The following ZAN variants were observed in gnomAD, a reference collection of about 807,000 sequenced individuals.
ZAN encodes zonadhesin (gene/pseudogene).
A neutral mutation model predicts 286.2 loss-of-function variants in ZAN; 260 were observed. The ratio of observed to expected loss-of-function variants is 0.91; its 90% CI spans 0.82 to 1.01. The LOEUF (loss-of-function observed/expected upper bound fraction) is 1.01. ZAN is among the 50% of genes least tolerant of loss of function. The pLI, the probability that ZAN is intolerant of heterozygous loss-of-function variation, is 0.00. For missense variants in ZAN, 3,410 were observed against 3,639.2 expected (o/e 0.94, Z 1.62); for synonymous variants, 1,368 against 1,417.5 (o/e 0.97, Z 0.79).
At chr7:100,789,585 G>A (rs2116311513) in intron 39 of ZAN, among the ~76,000 whole-genome samples, 1 of 152,258 alleles carries the variant, frequency 6.6e-6, no homozygotes, top group South Asian at 2.1e-4. Flanking sequence ...TGAGGTGGGA[G>A]GATCGCTTGA....
intron 11 of ZAN, among the ~76,000 whole-genome samples, chr7:100,750,261 C>G (rs1223298997): frequency 6.6e-6 from 1 of 151,858 alleles, no homozygotes; most frequent in Non-Finnish European, 1.5e-5. Flanking sequence ...CTCAGACTCC[C>G]GAGTAGCTGG....
At chr7:100,760,794 G>T (rs865965266) in intron 19 of ZAN, among the ~76,000 whole-genome samples, 1 of 152,212 alleles carries the variant, frequency 6.6e-6, no homozygotes, top group African/African-American at 2.4e-5. Context: ...GCTAGAAGGA[G>T]CACTAGTGAG....
intron 7 of ZAN, among the ~76,000 whole-genome samples, chr7:100,745,166 G>C (rs1247629440): frequency 6.6e-6 from 1 of 151,788 alleles, no homozygotes; most frequent in Non-Finnish European, 1.5e-5. Flanking sequence ...TTACAGGCGT[G>C]AGCCACCGCG....
Position 100,786,158 on chromosome 7 carries a change from GGGAGGTT to G in ZAN, c.6979+22_6979+28del. Reference sequence around the variant, plus strand: ...TCTCAGACAGTAAGGGGAGCGACCGGGGAGGTTGGAGAGGGGAGCACCTGTGGCCAGG... The same window carrying G: ...TCTCAGACAGTAAGGGGAGCGACCGGGGAGAGGGGAGCACCTGTGGCCAGG... On this transcript the variant is annotated intron_variant, in intron 37 of 47. Coordinates refer to ENST00000613979, the MANE Select transcript of ZAN (RefSeq NM_003386.3). 1 of 1,613,546 alleles carries G rather than the reference GGGAGGTT, an allele frequency of 6.2e-7. No individual in the cohort carries two copies. The highest frequency in any genetic ancestry group is 1.1e-5 in the South Asian group (1 of 91,058).
chr7:100,789,454 T>C, intron 39 of ZAN, 107 bp downstream of exon 39: 2 of 1,514,402 alleles, frequency 1.3e-6, no homozygotes, highest in South Asian at 1.3e-5. Context: ...GGCCCGGTAG[T>C]GGGGCACCCA....
chr7:100,772,058 A>G, intron 29 of ZAN, 38 bp downstream of exon 29: 1 of 1,518,622 alleles, frequency 6.6e-7, no homozygotes, highest in Non-Finnish European at 8.8e-7. Flanking sequence ...GCCCATAGGC[A>G]CCCTCCAGAA....
chr7:100,786,199 G>A lies in ZAN; in HGVS notation c.6979+58G>A. 1.9e-6 allele frequency: 3 copies of A among 1,602,452 alleles called. No homozygotes were observed. In the African/African-American group the frequency reaches 4.0e-5, roughly 21 times the overall value. On this transcript the variant is annotated intron_variant, in intron 37 of 47. Transcript: ENST00000613979. ...GAGCACCTGTGGCCAGGGCGGAGGT[G>A]GAGGAAGAGGCAGGGTGGGAAGGGG...
At chr7:100,791,872 C>A in intron 40 of ZAN, 94 bp from the exon 41 acceptor site, 1 of 1,418,648 alleles carries the variant, frequency 7.0e-7, no homozygotes, top group Non-Finnish European at 9.4e-7. Context: ...GGACTCCAGG[C>A]AGCCACCACC....
chr7:100,787,763 T>C (rs578092285), intron 37 of ZAN, 126 bp from the exon 38 acceptor site: 5 of 1,059,054 alleles, frequency 4.7e-6, no homozygotes, highest in South Asian at 4.8e-5. Flanking sequence ...GGTTTCACCA[T>C]GTTGGCCAGG....
intron 35 of ZAN, among the ~76,000 whole-genome samples, chr7:100,783,783 T>TATATATATATATATACACACACAC (rs377402352): frequency 9.8e-5 from 2 of 20,486 alleles, no homozygotes; most frequent in African/African-American, 2.7e-4. Context: ...TATATATATA[T>TATATATATATATATACACACACAC]ACACATATAT....
In ZAN at chr7:100,738,611, G is replaced by T; in HGVS notation, c.764G>T (p.Gly255Val). ...VGPDGDFSSPGSGCYMLLDPK... is the reference protein window; with the variant it reads ...VGPDGDFSSPVSGCYMLLDPK... The stretch of plus-strand genomic sequence containing the variant: ...CCTGATGGCGACTTCTCTAGCCCTG[G>T]TAGTGAGTAGCGGCCATGCTTCTGT... Residue 255 changes from glycine (G) to valine (V), a missense_variant and splice_region_variant, in exon 7 of 48, where the codon GGT becomes GTT. Physicochemically the swap from Gly to Val is moderately radical, Grantham distance 109. Transcript: ENST00000613979. 1 of 1,516,448 alleles carries T rather than the reference G, an allele frequency of 6.6e-7. No homozygotes were observed. Among genetic ancestry groups the T allele is most frequent in the Non-Finnish European group, 9.1e-7 (1 of 1,104,324 alleles). 93.9% of individuals were successfully genotyped at this position (1,516,448 alleles called of 1,614,324 possible).
intron 42 of ZAN, among the ~76,000 whole-genome samples, chr7:100,793,148 G>A (rs1396902851): frequency 6.6e-6 from 1 of 151,762 alleles, no homozygotes; most frequent in African/African-American, 2.4e-5. Flanking sequence ...AGACCGGCCT[G>A]GGGAACCAGT....
chr7:100,748,317 C>G lies in ZAN; in HGVS notation c.1103-7C>G, dbSNP rs538789054. 3 of 1,613,868 alleles carry G rather than the reference C, an allele frequency of 1.9e-6. No individual in the cohort carries two copies. Among genetic ancestry groups the G allele is most frequent in the South Asian group, 1.1e-5 (1 of 91,074 alleles). ...ACTTGCTCAAATATCCTATTTTGATCCCCCAGAGGGTTTTCCTCAGTGTGA... is the reference window on the plus strand; with the variant it reads ...ACTTGCTCAAATATCCTATTTTGATGCCCCAGAGGGTTTTCCTCAGTGTGA... On this transcript the variant is annotated splice_region_variant and splice_polypyrimidine_tract_variant and intron_variant, in intron 10 of 47. Transcript: ENST00000613979.
In ZAN at chr7:100,797,373, C is replaced by T. The variant is rs1201319791; in HGVS notation, c.8274C>T (p.Asn2758=). 6.2e-7 allele frequency: 1 copy of T among 1,613,744 alleles called. No homozygotes were observed. Among genetic ancestry groups the T allele is most frequent in the South Asian group, 1.1e-5 (1 of 91,066 alleles). ...DAPPPRKPAS[N]LVGVLLGLLV... ...CTTCCCCGCACCCAGAAGCATCTAA[C>T]CTGGTGGGCGTCCTACTGGGACTGC... The change falls in exon 46 of 48, where the codon AAC becomes AAT. Residue 2758 remains asparagine, a synonymous_variant. Transcript: ENST00000613979.
At chr7:100,768,576 C>A (rs758614291) in intron 26 of ZAN, 34 bp from the exon 27 acceptor site, 2 of 1,549,050 alleles carry the variant, frequency 1.3e-6, no homozygotes, top group Non-Finnish European at 1.7e-6. Context: ...CTGGGGGGCC[C>A]CTTCTTGCCT....
At chr7:100,777,050 CT>C (rs35034892) in intron 34 of ZAN, among the ~76,000 whole-genome samples, 54,075 of 149,410 alleles carry the variant, frequency 0.36, 11,007 homozygotes, top group East Asian at 0.8. Context: ...TTCTTTCGTT[CT>C]TTTTTTTTCT....
chr7:100,785,927 G>C, intron 36 of ZAN, 70 bp from the exon 37 acceptor site: 1 of 1,529,852 alleles, frequency 6.5e-7, no homozygotes, highest in Non-Finnish European at 8.8e-7. Flanking sequence ...CCAAAGTGTT[G>C]GGATTACAGG....
At position 100,793,950 on chromosome 7, in the gene ZAN, T is replaced by C. The variant is rs770135484; in HGVS notation, c.7918T>C (p.Cys2640Arg). Residue 2640 changes from cysteine (C) to arginine (R), a missense_variant, in exon 43 of 48, where the codon TGC (cysteine) becomes CGC (arginine). Transcript: ENST00000613979. ...RGRLRQHPRL[C>R]LQWHPEPPLA... ...AAGGCTGCGCCAGCATCCCAGGCTA[T>C]GCCTACAGTGGCACCCAGAGCCTCC... 2 of 1,613,936 alleles carry C rather than the reference T, an allele frequency of 1.2e-6. No individual in the cohort carries two copies. Among genetic ancestry groups the C allele is most frequent in the African/African-American group, 1.3e-5 (1 of 75,072 alleles).
chr7:100,758,118 A>G (rs1437990241), intron 15 of ZAN, 84 bp from the exon 16 acceptor site: 15 of 809,658 alleles, frequency 1.9e-5, no homozygotes, highest in African/African-American at 3.9e-5. Context: ...ATAAATAAAT[A>G]AATAAATAAA....
Sources: gnomAD v4.1 joint callset for allele counts (sites outside exome capture counted in the v4.1 genomes callset) on GRCh38, gnomAD v4.1.1 for gene constraint, MANE v1.5 for transcripts, NCBI Gene and HGNC (gene_info 2026-07-23, HGNC 2026-07-21) for gene names.